TMEM132D: variants seen among roughly 807,000 people sequenced by gnomAD.
TMEM132D encodes transmembrane protein 132D, also known as mature OL transmembrane protein.
In TMEM132D, 21 loss-of-function variants were observed where a neutral mutation model predicts 62.3. The observed-to-expected ratio is 0.34, with a 90% CI of 0.24 to 0.49. The LOEUF (loss-of-function observed/expected upper bound fraction) is 0.49, where lower values mean the gene tolerates loss of function less well. Among genes scored for constraint, TMEM132D ranks in the 20% least tolerant of loss-of-function variants. The pLI is 0.99. For synonymous variants in TMEM132D, 621 were observed against 575.6 expected, an observed-to-expected ratio of 1.08 and a Z score of -1.13; for missense variants, 1,346 against 1,402.8, an observed-to-expected ratio of 0.96 and a Z score of 0.65.
intron 3 of TMEM132D, among the ~76,000 whole-genome samples, chr12:129,470,560 C>G (rs961842026): frequency 6.6e-6 from 1 of 152,146 alleles, no homozygotes; most frequent in African/African-American, 2.4e-5. Context: ...CAGGTGAGGA[C>G]ATCGCTGCTT....
chr12:129,527,168 G>A (rs1416270871), intron 3 of TMEM132D, among the ~76,000 whole-genome samples: 1 of 152,216 alleles, frequency 6.6e-6, no homozygotes, highest in Non-Finnish European at 1.5e-5. Context: ...AATTAGCCAG[G>A]TGTGGTGGTG....
At chr12:129,326,079 A>G (rs1011776331) in intron 4 of TMEM132D, among the ~76,000 whole-genome samples, 1 of 152,186 alleles carries the variant, frequency 6.6e-6, no homozygotes, top group African/African-American at 2.4e-5. Flanking sequence ...CTGACCTATC[A>G]AACCTGAGAT....
rs140658278 is a variant in TMEM132D at position 129,270,782 on chromosome 12, T to C, written c.1300-61119A>G. Among the ~76,000 whole-genome samples, 398 of 152,368 alleles carry C rather than the reference T, an allele frequency of 2.6e-3. 2 individuals are homozygous for C. Among genetic ancestry groups the C allele is most frequent in the African/African-American group, 8.9e-3 (369 of 41,594 alleles). ...CTAAAGTGTTCCATTAACAAAAGGC[T>C]GTGGTGCTTTCAAATCAGTGCTCAT... On this transcript the variant is annotated intron_variant, in intron 4 of 8. Coordinates refer to ENST00000422113, the MANE Select transcript of TMEM132D (RefSeq NM_133448.3).
At chr12:129,447,317 T>C (rs1208488392) in intron 3 of TMEM132D, among the ~76,000 whole-genome samples, 1 of 152,240 alleles carries the variant, frequency 6.6e-6, no homozygotes, top group Non-Finnish European at 1.5e-5. Flanking sequence ...CGTAACCCTT[T>C]CATTCAATTC....
chr12:129,098,237 G>T (rs1413134961), intron 5 of TMEM132D, among the ~76,000 whole-genome samples: 2 of 152,188 alleles, frequency 1.3e-5, no homozygotes, highest in African/African-American at 4.8e-5. Context: ...CTCAGAAACA[G>T]ACCTGCATAA....
chr12:129,383,952 C>T (rs1384278827), intron 3 of TMEM132D, among the ~76,000 whole-genome samples: 1 of 152,204 alleles, frequency 6.6e-6, no homozygotes, highest in Non-Finnish European at 1.5e-5. Context: ...GGTTAGACAA[C>T]ACCGCAGTCA....
At chr12:129,798,111 T>C (rs375086858) in intron 1 of TMEM132D, among the ~76,000 whole-genome samples, 2 of 152,190 alleles carry the variant, frequency 1.3e-5, no homozygotes, top group African/African-American at 4.8e-5. Context: ...TGGCTTCCCA[T>C]TCCCCTCCTG....
chr12:129,189,515 T>C (rs1878323765), intron 5 of TMEM132D, among the ~76,000 whole-genome samples: 2 of 152,102 alleles, frequency 1.3e-5, no homozygotes, highest in Non-Finnish European at 2.9e-5. Flanking sequence ...TGTGGCTGGC[T>C]GTGAGGGCTG....
intron 2 of TMEM132D, among the ~76,000 whole-genome samples, chr12:129,571,558 A>G (rs2137119744): frequency 6.6e-6 from 1 of 152,202 alleles, no homozygotes; most frequent in Non-Finnish European, 1.5e-5. Context: ...GGGTAACAGA[A>G]TGAGACTCCA....
At chr12:129,118,513 A>G (rs575720516) in intron 5 of TMEM132D, among the ~76,000 whole-genome samples, 7 of 152,352 alleles carry the variant, frequency 4.6e-5, no homozygotes, top group Admixed American at 1.3e-4. Flanking sequence ...GGATGGCACC[A>G]AGACAGCTCC....
At chr12:129,825,280 A>G (rs539722634) in intron 1 of TMEM132D, among the ~76,000 whole-genome samples, 76 of 151,866 alleles carry the variant, frequency 5.0e-4, no homozygotes, top group Admixed American at 1.2e-3. Context: ...GGCCCCCCCA[A>G]ACTGCTGGGA....
intron 3 of TMEM132D, among the ~76,000 whole-genome samples, chr12:129,440,616 T>C (rs925031244): frequency 1.3e-5 from 2 of 152,234 alleles, no homozygotes; most frequent in African/African-American, 4.8e-5. Flanking sequence ...GACTTGTGGA[T>C]GGGAAATATC....
intron 1 of TMEM132D, among the ~76,000 whole-genome samples, chr12:129,882,437 G>A (rs570015391): frequency 3.3e-5 from 5 of 152,026 alleles, no homozygotes; most frequent in African/African-American, 9.7e-5. Flanking sequence ...TGGGTTTGAC[G>A]AGGAAAATAA....
intron 1 of TMEM132D, among the ~76,000 whole-genome samples, chr12:129,809,324 A>ATT (rs67889726): frequency 0.04 from 5,063 of 126,240 alleles, 110 homozygotes; most frequent in South Asian, 0.09. Flanking sequence ...AAAAAAAAAA[A>ATT]TTTTTTTTTG....
At chr12:129,122,824 A>G (rs1040034415) in intron 5 of TMEM132D, among the ~76,000 whole-genome samples, 2 of 152,222 alleles carry the variant, frequency 1.3e-5, no homozygotes, top group African/African-American at 4.8e-5. Context: ...TACTTATTTG[A>G]CATGAAATAC....
At chr12:129,382,904 A>T (rs1313545847) in intron 3 of TMEM132D, among the ~76,000 whole-genome samples, 1 of 152,134 alleles carries the variant, frequency 6.6e-6, no homozygotes, top group Non-Finnish European at 1.5e-5. Context: ...TTGTTATTCA[A>T]TCTGTACCTT....
intron 3 of TMEM132D, among the ~76,000 whole-genome samples, chr12:129,350,286 A>T (rs1033996162): frequency 1.3e-5 from 2 of 152,196 alleles, no homozygotes; most frequent in Non-Finnish European, 2.9e-5. Context: ...GGGAAGTTGG[A>T]TCCTATTAAA....
intron 1 of TMEM132D, among the ~76,000 whole-genome samples, chr12:129,885,864 TA>T (rs1317141724): frequency 1.3e-5 from 2 of 152,236 alleles, no homozygotes; most frequent in African/African-American, 4.8e-5. Context: ...AACTCTTCAC[TA>T]ATAAGAAATG....
intron 3 of TMEM132D, among the ~76,000 whole-genome samples, chr12:129,365,978 C>G (rs183629608): frequency 6.6e-6 from 1 of 152,184 alleles, no homozygotes; most frequent in Admixed American, 6.5e-5. Context: ...AGAGAGCAGT[C>G]CCTCAGAGGG....
Sources: allele counts gnomAD v4.1 joint callset (sites outside exome capture counted in the v4.1 genomes callset), GRCh38; gene constraint gnomAD v4.1.1; transcripts MANE v1.5; gene names NCBI Gene and HGNC (gene_info 2026-07-23, HGNC 2026-07-21).